The following FGD4 variants were observed in gnomAD, a reference collection of about 807,000 sequenced individuals.
The protein encoded by FGD4 is FYVE, RhoGEF and PH domain containing 4.
FGD4 carries 42 observed loss-of-function variants against 102.0 expected under a neutral mutation model. That is an observed-to-expected ratio of 0.41 (90% CI 0.32 to 0.53). The LOEUF (loss-of-function observed/expected upper bound fraction) is 0.53, where lower values mean the gene tolerates loss of function less well. Ranked by LOEUF, FGD4 falls within the 20% of genes least tolerant of loss-of-function variation. The probability of loss-of-function intolerance (pLI) is 0.21; values close to 1 mark genes in which losing one functional copy is unlikely to be tolerated. For synonymous variants in FGD4, 380 were observed against 375.7 expected, an observed-to-expected ratio of 1.01 and a Z score of -0.13; for missense variants, 902 against 1,078.2, an observed-to-expected ratio of 0.84 and a Z score of 2.29.
At chr12:32,448,828 A>C (rs1303581925) in intron 1 of FGD4, among the ~76,000 whole-genome samples, 1 of 152,152 alleles carries the variant, frequency 6.6e-6, no homozygotes, top group Non-Finnish European at 1.5e-5. Context: ...AGGGAGTGCA[A>C]GGTAAAACTG....
chr12:32,552,405 G>GC (rs1357179756), intron 1 of FGD4, among the ~76,000 whole-genome samples: 1 of 147,488 alleles, frequency 6.8e-6, no homozygotes, highest in East Asian at 2.0e-4. Flanking sequence ...GATTACAGGC[G>GC]CCCGCCGCCA....
At chr12:32,412,641 G>A (rs1031284073) in intron 1 of FGD4, among the ~76,000 whole-genome samples, 3 of 152,036 alleles carry the variant, frequency 2.0e-5, no homozygotes, top group Non-Finnish European at 2.9e-5. Context: ...ATGGAGTCTC[G>A]CGCCATCGCC....
At position 32,633,292 on chromosome 12, in the gene FGD4, C is replaced by T. The variant is rs11831099; in HGVS notation, c.2173-257C>T. Among the ~76,000 whole-genome samples, 40,218 of 151,826 alleles carry T rather than the reference C, an allele frequency of 0.26. 5,637 individuals are homozygous for T. Among genetic ancestry groups the T allele is most frequent in the South Asian group, 0.41 (1,970 of 4,810 alleles). ...TTTGGAAAGGATGTTGATGAACATC[C>T]AGAAGTATGAAGAGTCAAAGTCTTT... On this transcript the variant is annotated intron_variant, in intron 14 of 16. Coordinates refer to ENST00000534526, the MANE Select transcript of FGD4 (RefSeq NM_001370298.3).
At chr12:32,639,939 T>G (rs1951069990) in intron 16 of FGD4, among the ~76,000 whole-genome samples, 1 of 152,234 alleles carries the variant, frequency 6.6e-6, no homozygotes, top group Non-Finnish European at 1.5e-5. Flanking sequence ...AATGAGATTC[T>G]CATTACTGTT....
chr12:32,626,014 A>G (rs553334601), intron 14 of FGD4, among the ~76,000 whole-genome samples: 4 of 152,354 alleles, frequency 2.6e-5, no homozygotes, highest in African/African-American at 7.2e-5. Flanking sequence ...AAGAATTTCA[A>G]ATTACTATAG....
At chr12:32,594,353 A>T (rs1280460075) in intron 4 of FGD4, among the ~76,000 whole-genome samples, 1 of 152,160 alleles carries the variant, frequency 6.6e-6, no homozygotes, top group Non-Finnish European at 1.5e-5. Flanking sequence ...TCCTTATGAG[A>T]ATCTAATGAC....
chr12:32,600,584 C>A, intron 5 of FGD4: 32 of 255,848 alleles, frequency 1.3e-4, no homozygotes, highest in Middle Eastern at 2.3e-3. Context: ...TTCTTTCTTT[C>A]TTTCTTTCTT....
At chr12:32,435,138 TC>T (rs1424771341) in intron 1 of FGD4, among the ~76,000 whole-genome samples, 1 of 152,122 alleles carries the variant, frequency 6.6e-6, no homozygotes, top group Non-Finnish European at 1.5e-5. Context: ...AGATGGAGTT[TC>T]TCCATGTTTG....
intron 12 of FGD4, 30 bp from the exon 13 acceptor site, chr12:32,624,946 T>C (rs1950059206): frequency 1.3e-6 from 2 of 1,567,372 alleles, no homozygotes; most frequent in Non-Finnish European, 8.8e-7. Flanking sequence ...GAAACTTTAA[T>C]GTGTGCTTTG....
At chr12:32,479,793 T>A (rs1184469178) in intron 1 of FGD4, among the ~76,000 whole-genome samples, 1 of 145,070 alleles carries the variant, frequency 6.9e-6, no homozygotes, top group Non-Finnish European at 1.5e-5. Flanking sequence ...ATTCTTTTTT[T>A]TTTTTTTTTT....
chr12:32,547,157 G>C (rs1477777413), intron 1 of FGD4, among the ~76,000 whole-genome samples: 1 of 152,166 alleles, frequency 6.6e-6, no homozygotes, highest in African/African-American at 2.4e-5. Flanking sequence ...ATCAGGCAAG[G>C]CTGGGCACGG....
chr12:32,541,762 A>T (rs759428476), intron 1 of FGD4, among the ~76,000 whole-genome samples: 3 of 152,194 alleles, frequency 2.0e-5, no homozygotes, highest in Admixed American at 2.0e-4. Flanking sequence ...AATTTGTTAC[A>T]TGTTTTTCTT....
At position 32,645,825 on chromosome 12, in the gene FGD4, A is replaced by G. The variant is rs570673443; in HGVS notation, c.*5292A>G. 6.6e-6 allele frequency: 1 copy of G among 152,358 alleles called. No individual in the cohort carries two copies. Among genetic ancestry groups the G allele is most frequent in the South Asian group, 2.1e-4 (1 of 4,832 alleles). The allele number at this position is 152,358 out of a possible 1,614,324, so 9.4% of individuals were successfully genotyped here. A position where few individuals can be genotyped will look rare whatever the true frequency, so the allele number is the denominator to read the frequency against. On this transcript the variant is annotated 3_prime_UTR_variant, in exon 17 of 17. Coordinates refer to ENST00000534526, the MANE Select transcript of FGD4 (RefSeq NM_001370298.3). ...TCTTGACTGATAAGTTTGAGAATGT[A>G]TGTTTTTGGAATTTTACAGTTGACT... is the stretch of plus-strand genomic sequence containing the variant.
Position 32,552,418 on chromosome 12 carries a change from C to G in FGD4, c.167-11719C>G, listed in dbSNP as rs1943741444. 2.0e-5 allele frequency among the ~76,000 whole-genome samples: 3 copies of G among 151,060 alleles called. No individual in the cohort carries two copies. The South Asian group carries it at 6.3e-4, about 32-fold the overall frequency. On this transcript the variant is annotated intron_variant, in intron 1 of 16. Coordinates refer to ENST00000534526, the MANE Select transcript of FGD4 (RefSeq NM_001370298.3). Reference sequence around the variant, plus strand: ...GGGATTACAGGCGCCCGCCGCCATGCCCGACTAATTTTTGCATTTTTTTTT... The same window carrying G: ...GGGATTACAGGCGCCCGCCGCCATGGCCGACTAATTTTTGCATTTTTTTTT...
rs567403128 is a variant in FGD4 at position 32,529,714 on chromosome 12, A to G, written c.167-34423A>G. ...AAAAATTAGCCAGACATGGTGGCCC[A>G]TACCTGTAATCCCAGTTACTCAGGA... is the stretch of plus-strand genomic sequence containing the variant. On this transcript the variant is annotated intron_variant, in intron 1 of 16. Coordinates refer to ENST00000534526, the MANE Select transcript of FGD4 (RefSeq NM_001370298.3). Among the ~76,000 whole-genome samples, 12 of 151,894 alleles carry G rather than the reference A, an allele frequency of 7.9e-5. No homozygotes were observed. In the East Asian group the frequency reaches 2.3e-3, roughly 30 times the overall value.
At chr12:32,488,972 ATATTT>A (rs1479368390) in intron 1 of FGD4, among the ~76,000 whole-genome samples, 11 of 152,192 alleles carry the variant, frequency 7.2e-5, no homozygotes, top group Admixed American at 3.9e-4. Flanking sequence ...TACAGAACCT[ATATTT>A]TATTCTCTAT....
At chr12:32,581,938 T>G (rs575575303) in intron 3 of FGD4, 22 bp from the exon 4 acceptor site, 9 of 1,613,344 alleles carry the variant, frequency 5.6e-6, no homozygotes, top group Non-Finnish European at 7.6e-6. Flanking sequence ...TTTTCATGCT[T>G]CCTTTGTATT....
chr12:32,527,411 G>A (rs761843980), intron 1 of FGD4, among the ~76,000 whole-genome samples: 1 of 149,318 alleles, frequency 6.7e-6, no homozygotes, highest in Non-Finnish European at 1.5e-5. Context: ...ATCCAGAATC[G>A]GTTTCTTCCC....
intron 1 of FGD4, among the ~76,000 whole-genome samples, chr12:32,454,193 A>G (rs1424165675): frequency 6.6e-6 from 1 of 152,270 alleles, no homozygotes; most frequent in African/African-American, 2.4e-5. Flanking sequence ...CCAGGAGCAG[A>G]GCAATGTTCT....
Sources: allele counts gnomAD v4.1 joint callset (sites outside exome capture counted in the v4.1 genomes callset), GRCh38; gene constraint gnomAD v4.1.1; transcripts MANE v1.5; gene names NCBI Gene and HGNC (gene_info 2026-07-23, HGNC 2026-07-21).